Variants in ERBB4 observed in about 807,000 individuals in gnomAD.
The protein encoded by ERBB4 is erb-b2 receptor tyrosine kinase 4, also known as receptor tyrosine-protein kinase erbB-4.
In ERBB4, 42 loss-of-function variants were observed where a neutral mutation model predicts 158.0. That is an observed-to-expected ratio of 0.27 (90% CI 0.21 to 0.34). The LOEUF (loss-of-function observed/expected upper bound fraction) is 0.34. Among genes scored for constraint, ERBB4 ranks in the 10% least tolerant of loss-of-function variants. ERBB4 has a pLI of 1.00. For synonymous variants in ERBB4, 583 were observed against 558.7 expected (o/e 1.04, Z -0.61); for missense variants, 1,333 against 1,624.1 (o/e 0.82, Z 3.08).
At chr2:212,525,031 A>G (rs1322540579) in intron 1 of ERBB4, among the ~76,000 whole-genome samples, 1 of 151,932 alleles carries the variant, frequency 6.6e-6, no homozygotes, top group Non-Finnish European at 1.5e-5. Context: ...GGGAAACTCA[A>G]TCAGGTAAAA....
chr2:212,523,751 G>T (rs1397619309), intron 1 of ERBB4, among the ~76,000 whole-genome samples: 2 of 151,840 alleles, frequency 1.3e-5, no homozygotes, highest in African/African-American at 4.8e-5. Context: ...AGAAATCACA[G>T]AACTCAATCC....
intron 1 of ERBB4, among the ~76,000 whole-genome samples, chr2:212,373,473 G>A (rs2090155192): frequency 6.6e-6 from 1 of 151,770 alleles, no homozygotes. Flanking sequence ...CATTATTATT[G>A]TGTGGTTTTC....
chr2:212,429,007 T>C (rs1335663566), intron 1 of ERBB4, among the ~76,000 whole-genome samples: 2 of 152,158 alleles, frequency 1.3e-5, no homozygotes, highest in East Asian at 3.9e-4. Flanking sequence ...AATGTTAATA[T>C]AAAAGTTATT....
At chr2:211,462,256 AC>A (rs1412810936) in intron 20 of ERBB4, among the ~76,000 whole-genome samples, 3 of 152,044 alleles carry the variant, frequency 2.0e-5, no homozygotes, top group African/African-American at 7.3e-5. Context: ...TAACTCACAC[AC>A]TATCATGAGC....
intron 20 of ERBB4, among the ~76,000 whole-genome samples, chr2:211,543,595 T>A (rs11891212): frequency 0.11 from 17,384 of 151,830 alleles, 1,423 homozygotes; most frequent in African/African-American, 0.23. Flanking sequence ...GCATTTTTTT[T>A]AAAAAATCAT....
chr2:211,612,689 G>T (rs1235955978), intron 19 of ERBB4, among the ~76,000 whole-genome samples: 1 of 151,982 alleles, frequency 6.6e-6, no homozygotes, highest in African/African-American at 2.4e-5. Flanking sequence ...CTTTAGTAAA[G>T]CCACTAAAGG....
At chr2:212,356,250 T>C (rs1030962899) in intron 1 of ERBB4, among the ~76,000 whole-genome samples, 2 of 151,952 alleles carry the variant, frequency 1.3e-5, no homozygotes, top group African/African-American at 2.4e-5. Context: ...GCTGTACTGA[T>C]CCTCACACAA....
At chr2:212,087,368 C>G (rs1575613718) in intron 2 of ERBB4, among the ~76,000 whole-genome samples, 1 of 152,144 alleles carries the variant, frequency 6.6e-6, no homozygotes, top group East Asian at 1.9e-4. Context: ...TTAATGCAAA[C>G]CAATGAACAC....
chr2:211,904,529 A>G (rs1165278824), intron 3 of ERBB4, among the ~76,000 whole-genome samples: 2 of 152,092 alleles, frequency 1.3e-5, no homozygotes, highest in African/African-American at 4.8e-5. Flanking sequence ...CTTATCTCAA[A>G]GCCATATTAC....
chr2:212,017,315 T>C (rs917891902), intron 2 of ERBB4, among the ~76,000 whole-genome samples: 10 of 152,108 alleles, frequency 6.6e-5, no homozygotes, highest in African/African-American at 1.9e-4. Flanking sequence ...TTGAAACTTC[T>C]CATTTTGTGC....
intron 19 of ERBB4, among the ~76,000 whole-genome samples, chr2:211,568,961 T>C (rs919006656): frequency 6.6e-6 from 1 of 152,200 alleles, no homozygotes; most frequent in African/African-American, 2.4e-5. Flanking sequence ...ATGTCTAGAA[T>C]AAATTATAAT....
At chr2:211,594,453 AT>A (rs1246879724) in intron 19 of ERBB4, among the ~76,000 whole-genome samples, 198 of 151,618 alleles carry the variant, frequency 1.3e-3, no homozygotes, top group African/African-American at 4.7e-3. Flanking sequence ...AAAATAACAA[AT>A]AAAAAAAAAA....
At chr2:212,273,560 A>G (rs1176284586) in intron 1 of ERBB4, among the ~76,000 whole-genome samples, 2 of 151,834 alleles carry the variant, frequency 1.3e-5, no homozygotes, top group Admixed American at 6.6e-5. Context: ...TTAGCAGGCC[A>G]GAATATTATT....
intron 1 of ERBB4, among the ~76,000 whole-genome samples, chr2:212,430,571 G>A (rs553872733): frequency 4.9e-4 from 75 of 152,096 alleles, no homozygotes; most frequent in African/African-American, 1.7e-3. Context: ...CTCCCAAGTA[G>A]CTGGGATTAC....
chr2:211,889,484 C>CAG (rs958366870), intron 3 of ERBB4, among the ~76,000 whole-genome samples: 16 of 151,662 alleles, frequency 1.1e-4, no homozygotes, highest in African/African-American at 3.9e-4. Flanking sequence ...CTCTAAAATG[C>CAG]AGAGCGCCTC....
At chr2:211,760,699 C>A (rs1363269881) in intron 4 of ERBB4, among the ~76,000 whole-genome samples, 1 of 152,138 alleles carries the variant, frequency 6.6e-6, no homozygotes, top group Non-Finnish European at 1.5e-5. Context: ...ATACTTTGGA[C>A]TTAAATGTTT....
chr2:211,797,446 T>G (rs2105880590), intron 3 of ERBB4, among the ~76,000 whole-genome samples: 1 of 152,124 alleles, frequency 6.6e-6, no homozygotes, highest in African/African-American at 2.4e-5. Flanking sequence ...TTTAGAATAC[T>G]TCAAAAAAGT....
At chr2:212,324,346 G>A (rs1413472074) in intron 1 of ERBB4, among the ~76,000 whole-genome samples, 1 of 150,650 alleles carries the variant, frequency 6.6e-6, no homozygotes, top group Non-Finnish European at 1.5e-5. Flanking sequence ...ACTGAACCAA[G>A]AGGAAATAGT....
At chr2:212,417,326 AAATT>A (rs1467625828) in intron 1 of ERBB4, among the ~76,000 whole-genome samples, 1 of 152,084 alleles carries the variant, frequency 6.6e-6, no homozygotes, top group Non-Finnish European at 1.5e-5. Flanking sequence ...ATACTGTCTT[AAATT>A]AACAAGAACT....
Sources: allele counts gnomAD v4.1 joint callset (sites outside exome capture counted in the v4.1 genomes callset), GRCh38; gene constraint gnomAD v4.1.1; transcripts MANE v1.5; gene names NCBI Gene and HGNC (gene_info 2026-07-23, HGNC 2026-07-21).